The following ENTPD6 variants were observed in gnomAD, a reference collection of about 807,000 sequenced individuals.
ENTPD6 encodes ectonucleoside triphosphate diphosphohydrolase 6.
In ENTPD6, 46 loss-of-function variants were observed where a neutral mutation model predicts 61.5. The observed-to-expected ratio is 0.75, with a 90% CI of 0.59 to 0.96. The LOEUF (loss-of-function observed/expected upper bound fraction) is 0.96, where lower values mean the gene tolerates loss of function less well. ENTPD6 is among the 40% of genes least tolerant of loss of function. The pLI, the probability that ENTPD6 is intolerant of heterozygous loss-of-function variation, is 0.00. For missense variants in ENTPD6, 612 were observed against 629.0 expected (o/e 0.97, Z 0.29); for synonymous variants, 252 against 255.5 (o/e 0.99, Z 0.13).
At chr20:25,200,044 C>T (rs1462051558) in intron 1 of ENTPD6, among the ~76,000 whole-genome samples, 3 of 152,194 alleles carry the variant, frequency 2.0e-5, no homozygotes, top group African/African-American at 7.2e-5. Flanking sequence ...TCGGAGGAAG[C>T]TCCATGCTGT....
chr20:25,208,012 C>T (rs924569029), intron 3 of ENTPD6, among the ~76,000 whole-genome samples: 5 of 152,242 alleles, frequency 3.3e-5, no homozygotes, highest in Non-Finnish European at 7.3e-5. Context: ...CCTGATGCCC[C>T]TCTCGTGCCC....
chr20:25,206,185 G>A (rs950778887), intron 1 of ENTPD6, among the ~76,000 whole-genome samples: 7 of 152,232 alleles, frequency 4.6e-5, no homozygotes, highest in East Asian at 1.9e-4. Context: ...ACGTAGCTGC[G>A]GGCAGAGCCG....
At position 25,224,009 on chromosome 20, in the gene ENTPD6, C is replaced by T. The variant is rs117787667; in HGVS notation, c.1187-92C>T. ...AGAAGCCAGTCAGTGCCTTGGGGCTCTTGGGCTGGCGTTCCCCGTGCCAGC... is the reference window on the plus strand; with the variant it reads ...AGAAGCCAGTCAGTGCCTTGGGGCTTTTGGGCTGGCGTTCCCCGTGCCAGC... On this transcript the variant is annotated intron_variant, in intron 12 of 14. Transcript: ENST00000376652. The T allele has an allele frequency of 4.3e-3, 5,407 of 1,256,534 alleles. 26 individuals are homozygous for T. The highest frequency in any genetic ancestry group is 4.3e-3 in the Non-Finnish European group (3,803 of 881,462). The allele number at this position is 1,256,534 out of a possible 1,614,324, so 77.8% of individuals were successfully genotyped here. A position where few individuals can be genotyped will look rare whatever the true frequency, so the allele number is the denominator to read the frequency against.
At chr20:25,224,229 C>A in intron 13 of ENTPD6, 72 bp downstream of exon 13, 1 of 1,401,078 alleles carries the variant, frequency 7.1e-7, no homozygotes, top group Non-Finnish European at 9.9e-7. Flanking sequence ...GGCGCTGGCC[C>A]TGACTCTCCT....
chr20:25,209,520 C>T (rs1208454537), intron 3 of ENTPD6, among the ~76,000 whole-genome samples: 5 of 151,390 alleles, frequency 3.3e-5, no homozygotes, highest in Admixed American at 2.0e-4. Flanking sequence ...AAGTTCAAGA[C>T]CAGCCTGGGC....
chr20:25,222,759 C>T, intron 11 of ENTPD6, 79 bp from the exon 12 acceptor site: 1 of 1,561,698 alleles, frequency 6.4e-7, no homozygotes, highest in Non-Finnish European at 8.7e-7. Context: ...AGTCTCAAGT[C>T]CCCTGGGAGG....
intron 1 of ENTPD6, among the ~76,000 whole-genome samples, chr20:25,202,097 G>T (rs1600503995): frequency 6.6e-6 from 1 of 152,102 alleles, no homozygotes; most frequent in African/African-American, 2.4e-5. Flanking sequence ...ATTATAATAA[G>T]AAATCATAAG....
chr20:25,222,795 G>A (rs890572100), intron 11 of ENTPD6, 43 bp from the exon 12 acceptor site: 1 of 1,605,566 alleles, frequency 6.2e-7, no homozygotes, highest in African/African-American at 1.3e-5. Flanking sequence ...TGAGGCCTGG[G>A]TGCTCGGAGC....
intron 1 of ENTPD6, among the ~76,000 whole-genome samples, chr20:25,199,989 T>C (rs1208664747): frequency 6.6e-6 from 1 of 152,216 alleles, no homozygotes; most frequent in East Asian, 1.9e-4. Flanking sequence ...TCAACTCTTT[T>C]AGAAGTGGGA....
chr20:25,195,893 G>GA, intron 1 of ENTPD6, 26 bp downstream of exon 1: 1 of 1,230,964 alleles, frequency 8.1e-7, no homozygotes, highest in Non-Finnish European at 1.0e-6. Context: ...GGGCGCTGGC[G>GA]GGGGCGGCCG....
At chr20:25,203,879 C>G (rs552318268) in intron 1 of ENTPD6, among the ~76,000 whole-genome samples, 3 of 152,308 alleles carry the variant, frequency 2.0e-5, no homozygotes, top group Admixed American at 6.5e-5. Flanking sequence ...AAGACTAACT[C>G]TGTATTGGGA....
intron 11 of ENTPD6, chr20:25,221,751 GC>G: frequency 3.2e-6 from 1 of 310,898 alleles, no homozygotes; most frequent in Non-Finnish European, 6.3e-6. Flanking sequence ...CCCTGGGCAG[GC>G]TCTAGTGCTC....
In ENTPD6 at chr20:25,215,063, C is replaced by T. The variant is rs570111575; in HGVS notation, c.673+121C>T. On this transcript the variant is annotated intron_variant, in intron 6 of 14. Transcript: ENST00000376652. ...CCCATGTGGGAGCCTCCTCCCCCGT[C>T]CGATGCTCAAGTAAAGAATCATGGC... 3 of 662,154 alleles carry T rather than the reference C, an allele frequency of 4.5e-6. No individual in the cohort carries two copies. The East Asian group carries it at 8.0e-5, about 18-fold the overall frequency. 41.0% of individuals were successfully genotyped at this position (662,154 alleles called of 1,614,324 possible). A position where few individuals can be genotyped will look rare whatever the true frequency, so the allele number is the denominator to read the frequency against.
At chr20:25,221,398 C>A in intron 11 of ENTPD6, 65 bp downstream of exon 11, 2 of 1,223,914 alleles carry the variant, frequency 1.6e-6, no homozygotes, top group Non-Finnish European at 2.4e-6. Context: ...CTCCCCCTTG[C>A]CTTTCCCACA....
At chr20:25,217,241 C>T (rs1234974500) in intron 8 of ENTPD6, among the ~76,000 whole-genome samples, 1 of 152,120 alleles carries the variant, frequency 6.6e-6, no homozygotes, top group Non-Finnish European at 1.5e-5. Flanking sequence ...AGGGTGGGCT[C>T]ATAGGTACTG....
Position 25,224,167 on chromosome 20 carries a change from G to GCCC in ENTPD6, c.1243+11_1243+12insCCC, listed in dbSNP as rs2092726295. On this transcript the variant is annotated intron_variant, in intron 13 of 14. Transcript: ENST00000376652. ...ATCGCAGCCAAGTACGGTGAGTGAT[G>GCCC]CTGCAGGGGCCATCTCAGCAGGGGC... 1 of 1,610,522 alleles carries GCCC rather than the reference G, an allele frequency of 6.2e-7. No homozygotes were observed. Among genetic ancestry groups the GCCC allele is most frequent in the African/African-American group, 1.3e-5 (1 of 74,868 alleles).
intron 1 of ENTPD6, among the ~76,000 whole-genome samples, chr20:25,200,934 G>A (rs553300061): frequency 8.9e-4 from 136 of 152,156 alleles, no homozygotes; most frequent in African/African-American, 3.2e-3. Context: ...CTTTTCTAAA[G>A]CAAGTGTTTA....
intron 1 of ENTPD6, among the ~76,000 whole-genome samples, chr20:25,206,119 A>G (rs1197772315): frequency 6.6e-6 from 1 of 152,216 alleles, no homozygotes; most frequent in Non-Finnish European, 1.5e-5. Flanking sequence ...TCCAATGAGC[A>G]GCCCCACCTT....
chr20:25,212,367 T>C (rs1489773144), intron 4 of ENTPD6, among the ~76,000 whole-genome samples: 1 of 152,178 alleles, frequency 6.6e-6, no homozygotes, highest in Admixed American at 6.5e-5. Context: ...GAGGCGCACC[T>C]GAGATCGCCC....
Sources: gnomAD v4.1 joint callset for allele counts (sites outside exome capture counted in the v4.1 genomes callset) on GRCh38, gnomAD v4.1.1 for gene constraint, MANE v1.5 for transcripts, NCBI Gene and HGNC (gene_info 2026-07-23, HGNC 2026-07-21) for gene names.